Variants in RAB7A observed in about 807,000 individuals in gnomAD.
RAB7A encodes the protein ras-related protein Rab-7a.
In RAB7A, 2 loss-of-function variants were observed where a neutral mutation model predicts 24.5. The ratio of observed to expected loss-of-function variants is 0.08; its 90% confidence interval spans 0.03 to 0.26. The LOEUF (loss-of-function observed/expected upper bound fraction) is 0.26. RAB7A is among the 10% of genes least tolerant of loss of function. RAB7A has a pLI of 1.00. For missense variants in RAB7A, 118 were observed against 255.7 expected (o/e 0.46, Z 3.67); for synonymous variants, 100 against 95.9 (o/e 1.04, Z -0.25).
chr3:128,797,849 G>A, intron 2 of RAB7A, 94 bp from the exon 3 acceptor site: 1 of 1,466,190 alleles, frequency 6.8e-7, no homozygotes, highest in Non-Finnish European at 9.5e-7. Flanking sequence ...TTGTCCTTCA[G>A]GTCAGGCAGA....
intron 1 of RAB7A, among the ~76,000 whole-genome samples, chr3:128,745,125 C>T (rs1431375669): frequency 5.3e-5 from 8 of 151,982 alleles, no homozygotes; most frequent in Non-Finnish European, 2.9e-5. Context: ...CCACCCGTCT[C>T]GGCCTCCCAA....
intron 1 of RAB7A, among the ~76,000 whole-genome samples, chr3:128,761,840 A>G (rs1335489571): frequency 1.3e-5 from 2 of 152,224 alleles, no homozygotes; most frequent in Non-Finnish European, 2.9e-5. Context: ...GCATTACTGA[A>G]AAGCAACCGA....
chr3:128,777,492 A>G (rs1471055465), intron 1 of RAB7A, among the ~76,000 whole-genome samples: 5 of 152,150 alleles, frequency 3.3e-5, no homozygotes, highest in East Asian at 1.9e-4. Flanking sequence ...CCCAGCCTCT[A>G]TTGTTCTTAT....
intron 5 of RAB7A, among the ~76,000 whole-genome samples, chr3:128,808,727 G>T (rs1386806098): frequency 1.3e-5 from 2 of 152,218 alleles, no homozygotes; most frequent in African/African-American, 2.4e-5. Context: ...GGTGGTCAGA[G>T]GTGTGGCAGG....
chr3:128,806,640 G>T (rs780068975), intron 4 of RAB7A, 50 bp downstream of exon 4: 1 of 1,551,066 alleles, frequency 6.4e-7, no homozygotes, highest in East Asian at 2.2e-5. Context: ...CTCCCCAGGG[G>T]CCTTGTGAAT....
intron 1 of RAB7A, among the ~76,000 whole-genome samples, chr3:128,751,909 G>A (rs1292938314): frequency 6.6e-6 from 1 of 152,224 alleles, no homozygotes; most frequent in Non-Finnish European, 1.5e-5. Context: ...AGTCTTACGA[G>A]ATCTGATGGT....
intron 1 of RAB7A, among the ~76,000 whole-genome samples, chr3:128,767,388 A>T (rs1377539257): frequency 2.6e-5 from 4 of 152,194 alleles, no homozygotes; most frequent in African/African-American, 9.7e-5. Flanking sequence ...GTGCCTGAGG[A>T]ATTAGCCCAA....
chr3:128,786,765 C>T (rs1056220057), intron 1 of RAB7A, among the ~76,000 whole-genome samples: 1 of 152,160 alleles, frequency 6.6e-6, no homozygotes, highest in Admixed American at 6.5e-5. Flanking sequence ...GAAATGTATT[C>T]TACTAATCCA....
At chr3:128,759,075 G>C (rs2070756046) in intron 1 of RAB7A, among the ~76,000 whole-genome samples, 1 of 152,118 alleles carries the variant, frequency 6.6e-6, no homozygotes, top group African/African-American at 2.4e-5. Flanking sequence ...AGTATCTTCT[G>C]TTCAAATTCT....
At chr3:128,731,553 T>G (rs190371268) in intron 1 of RAB7A, among the ~76,000 whole-genome samples, 1 of 152,232 alleles carries the variant, frequency 6.6e-6, no homozygotes, top group Non-Finnish European at 1.5e-5. Flanking sequence ...ACAACTGTTG[T>G]GTGTATCTGC....
chr3:128,764,595 C>G (rs61746489), intron 1 of RAB7A: 1 of 1,407,360 alleles, frequency 7.1e-7, no homozygotes, highest in Non-Finnish European at 9.9e-7. Context: ...CTTTCACCTG[C>G]TCATTCAGGT....
intron 1 of RAB7A, chr3:128,748,905 A>G (rs934680854): frequency 1.3e-5 from 2 of 151,916 alleles, no homozygotes; most frequent in African/African-American, 4.8e-5. Flanking sequence ...TGGTGTAGAG[A>G]AGGTCTCCCA....
chr3:128,741,071 A>C (rs2070548774), intron 1 of RAB7A, among the ~76,000 whole-genome samples: 2 of 151,928 alleles, frequency 1.3e-5, no homozygotes, highest in African/African-American at 4.8e-5. Flanking sequence ...ATATACTTAA[A>C]ATTTTTTTTA....
chr3:128,741,421 C>T (rs1054463490), intron 1 of RAB7A, among the ~76,000 whole-genome samples: 1 of 152,114 alleles, frequency 6.6e-6, no homozygotes, highest in Non-Finnish European at 1.5e-5. Context: ...TATAATATGT[C>T]GGAATCTTTT....
At chr3:128,754,687 T>A (rs1341146399) in intron 1 of RAB7A, among the ~76,000 whole-genome samples, 1 of 152,068 alleles carries the variant, frequency 6.6e-6, no homozygotes. Context: ...GACAAAAAAA[T>A]TTAATGTGAC....
intron 3 of RAB7A, chr3:128,798,698 T>C: frequency 6.0e-6 from 1 of 166,504 alleles, no homozygotes; most frequent in Non-Finnish European, 1.3e-5. Context: ...TGTATTAACA[T>C]CCCTAGAAAA....
intron 1 of RAB7A, among the ~76,000 whole-genome samples, chr3:128,774,654 AG>A (rs1239054710): frequency 2.8e-4 from 43 of 152,122 alleles, no homozygotes; most frequent in African/African-American, 9.2e-4. Flanking sequence ...GCTCACTGCA[AG>A]CTCCGCTCCC....
chr3:128,758,280 T>G (rs1012655872), intron 1 of RAB7A, among the ~76,000 whole-genome samples: 3 of 150,484 alleles, frequency 2.0e-5, no homozygotes, highest in African/African-American at 4.9e-5. Flanking sequence ...TTTTGTTTTT[T>G]TTTTTTTTTT....
intron 1 of RAB7A, among the ~76,000 whole-genome samples, chr3:128,789,456 C>G (rs1447799421): frequency 6.6e-6 from 1 of 151,884 alleles, no homozygotes; most frequent in Non-Finnish European, 1.5e-5. Context: ...CTGCCTCAGC[C>G]TCCCGAGTAG....
Sources: allele counts gnomAD v4.1 joint callset (sites outside exome capture counted in the v4.1 genomes callset), GRCh38; gene constraint gnomAD v4.1.1; transcripts MANE v1.5; gene names NCBI Gene and HGNC (gene_info 2026-07-23, HGNC 2026-07-21).